C8orf34: variants seen among roughly 807,000 people sequenced by gnomAD.
C8orf34 encodes the protein chromosome 8 open reading frame 34.
A neutral mutation model predicts 68.3 loss-of-function variants in C8orf34; 65 were observed. That is an observed-to-expected ratio of 0.95 (90% CI 0.78 to 1.17). The LOEUF is 1.17. Among genes scored for constraint, C8orf34 ranks in the 50% most tolerant of loss-of-function variants. The pLI is 0.00. For missense variants in C8orf34, 664 were observed against 655.4 expected, an observed-to-expected ratio of 1.01 and a Z score of -0.14; for synonymous variants, 244 against 241.2, an observed-to-expected ratio of 1.01 and a Z score of -0.11.
chr8:68,550,861 TTA>T (rs903510882), intron 7 of C8orf34, among the ~76,000 whole-genome samples: 3 of 151,718 alleles, frequency 2.0e-5, no homozygotes, highest in African/African-American at 7.2e-5. Context: ...AATGTAATTC[TTA>T]TGTTTCCTCC....
At chr8:68,382,962 A>G (rs747036495) in intron 1 of C8orf34, among the ~76,000 whole-genome samples, 7 of 152,208 alleles carry the variant, frequency 4.6e-5, no homozygotes, top group Non-Finnish European at 8.8e-5. Flanking sequence ...TTCCTCAGAC[A>G]GGAGCTAGAA....
intron 12 of C8orf34, among the ~76,000 whole-genome samples, chr8:68,801,903 A>T (rs555665699): frequency 3.3e-5 from 5 of 152,104 alleles, no homozygotes; most frequent in Non-Finnish European, 7.4e-5. Context: ...ATTAAAAAAA[A>T]AAAAAGATTC....
intron 1 of C8orf34, among the ~76,000 whole-genome samples, chr8:68,427,160 A>G (rs1810262897): frequency 6.6e-6 from 1 of 152,204 alleles, no homozygotes; most frequent in South Asian, 2.1e-4. Flanking sequence ...TGGCCCTAAC[A>G]TGTAATGCAG....
chr8:68,769,883 G>A (rs560795039), intron 10 of C8orf34, among the ~76,000 whole-genome samples: 16 of 152,262 alleles, frequency 1.1e-4, no homozygotes, highest in African/African-American at 3.1e-4. Context: ...ACCAGTGAGC[G>A]CGATACGTGC....
chr8:68,689,171 A>G lies in C8orf34; in HGVS notation c.1242-19823A>G, dbSNP rs1041936983. The stretch of plus-strand genomic sequence containing the variant: ...GAAAACCAAATACTCAATGTTCCCA[A>G]TGTATGTGGGAGTTAAGCTATGAGG... On this transcript the variant is annotated intron_variant, in intron 8 of 13. Coordinates refer to ENST00000518698, the MANE Select transcript of C8orf34 (RefSeq NM_052958.4). Among the ~76,000 whole-genome samples, 4 of 152,020 alleles carry G rather than the reference A, an allele frequency of 2.6e-5. No homozygotes were observed. The East Asian group carries it at 5.8e-4, about 22-fold the overall frequency.
chr8:68,806,182 A>G (rs1285148649), intron 12 of C8orf34, among the ~76,000 whole-genome samples: 1 of 152,070 alleles, frequency 6.6e-6, no homozygotes, highest in Non-Finnish European at 1.5e-5. Flanking sequence ...GTATATTTTA[A>G]AACACCATAA....
At chr8:68,750,521 A>T (rs1474673111) in intron 10 of C8orf34, among the ~76,000 whole-genome samples, 1 of 152,140 alleles carries the variant, frequency 6.6e-6, no homozygotes, top group African/African-American at 2.4e-5. Context: ...AAATTTCTAT[A>T]GTTAGATAGT....
intron 8 of C8orf34, among the ~76,000 whole-genome samples, chr8:68,698,498 A>C (rs1267495810): frequency 6.6e-6 from 1 of 152,104 alleles, no homozygotes; most frequent in Non-Finnish European, 1.5e-5. Flanking sequence ...GAAGTCAGCT[A>C]TCTAACAGAT....
intron 7 of C8orf34, among the ~76,000 whole-genome samples, chr8:68,617,547 T>G (rs1191162940): frequency 6.6e-6 from 1 of 152,186 alleles, no homozygotes; most frequent in East Asian, 1.9e-4. Flanking sequence ...CTTATGAAGC[T>G]TAGTTTGGCT....
intron 8 of C8orf34, among the ~76,000 whole-genome samples, chr8:68,697,026 T>A (rs1585744446): frequency 1.3e-5 from 2 of 152,032 alleles, no homozygotes; most frequent in Non-Finnish European, 1.5e-5. Context: ...TTTTTCTCCA[T>A]CCTTTAACTT....
chr8:68,519,515 A>G (rs960729284), intron 5 of C8orf34, among the ~76,000 whole-genome samples: 1 of 152,202 alleles, frequency 6.6e-6, no homozygotes, highest in Non-Finnish European at 1.5e-5. Context: ...AAGTATAGGA[A>G]TTGAGATAAT....
At chr8:68,638,311 T>C (rs912711020) in intron 7 of C8orf34, among the ~76,000 whole-genome samples, 1 of 142,220 alleles carries the variant, frequency 7.0e-6, no homozygotes, top group African/African-American at 2.7e-5. Flanking sequence ...CTAGAACTTT[T>C]TTTTTTCTTT....
At chr8:68,662,585 C>T (rs1585691832) in intron 8 of C8orf34, among the ~76,000 whole-genome samples, 1 of 152,172 alleles carries the variant, frequency 6.6e-6, no homozygotes, top group South Asian at 2.1e-4. Context: ...TGTCTTGCTT[C>T]CCCTTTACCT....
At chr8:68,497,862 C>T (rs969344723) in intron 5 of C8orf34, among the ~76,000 whole-genome samples, 6 of 152,158 alleles carry the variant, frequency 3.9e-5, no homozygotes, top group African/African-American at 9.6e-5. Flanking sequence ...GAGTTTCGCT[C>T]TTGTTGCCCA....
intron 7 of C8orf34, among the ~76,000 whole-genome samples, chr8:68,618,241 A>G (rs972679984): frequency 3.9e-5 from 6 of 152,140 alleles, no homozygotes; most frequent in Non-Finnish European, 7.4e-5. Flanking sequence ...AAGGCCTTTC[A>G]TTCCATGGTA....
chr8:68,480,308 A>C (rs1156836639), intron 4 of C8orf34, among the ~76,000 whole-genome samples: 2 of 151,844 alleles, frequency 1.3e-5, no homozygotes, highest in African/African-American at 4.8e-5. Flanking sequence ...AATGTCTTTC[A>C]CCTCCTGCCA....
At chr8:68,641,454 A>G (rs1294258141) in intron 8 of C8orf34, among the ~76,000 whole-genome samples, 1 of 152,236 alleles carries the variant, frequency 6.6e-6, no homozygotes, top group African/African-American at 2.4e-5. Context: ...ATGGCATAGC[A>G]TAGTGAAAAC....
intron 8 of C8orf34, among the ~76,000 whole-genome samples, chr8:68,685,072 CTT>C (rs1308159055): frequency 2.6e-5 from 4 of 152,062 alleles, no homozygotes; most frequent in African/African-American, 9.7e-5. Flanking sequence ...TGTTTTAACT[CTT>C]ATACTAAGGT....
At chr8:68,423,024 G>T (rs1023893417) in intron 1 of C8orf34, among the ~76,000 whole-genome samples, 2 of 152,224 alleles carry the variant, frequency 1.3e-5, no homozygotes, top group African/African-American at 4.8e-5. Context: ...GAGACCCTGA[G>T]CCTGGCCAAG....
Sources: allele counts gnomAD v4.1 joint callset (sites outside exome capture counted in the v4.1 genomes callset), GRCh38; gene constraint gnomAD v4.1.1; transcripts MANE v1.5; gene names NCBI Gene and HGNC (gene_info 2026-07-23, HGNC 2026-07-21).